Variants in ADAMTS12 observed in about 807,000 individuals in gnomAD.
The protein encoded by ADAMTS12 is ADAM metallopeptidase with thrombospondin type 1 motif 12.
Under a neutral mutation model 167.8 loss-of-function variants are expected in ADAMTS12, and 118 were observed. The ratio of observed to expected loss-of-function variants is 0.70; its 90% CI spans 0.61 to 0.82. The LOEUF is 0.82. Among genes scored for constraint, ADAMTS12 ranks in the 40% least tolerant of loss-of-function variants. The probability of loss-of-function intolerance (pLI) is 0.00; values close to 1 mark genes in which losing one functional copy is unlikely to be tolerated. For synonymous variants in ADAMTS12, 704 were observed against 716.9 expected (o/e 0.98, Z 0.29); for missense variants, 1,916 against 1,998.8 (o/e 0.96, Z 0.79).
At chr5:33,851,573 ATCCTCC>A (rs1749221543) in intron 2 of ADAMTS12, among the ~76,000 whole-genome samples, 3 of 152,294 alleles carry the variant, frequency 2.0e-5, no homozygotes, top group African/African-American at 7.2e-5. Context: ...TACATCTCAA[ATCCTCC>A]TCTGGTCATT....
At chr5:33,744,772 C>T (rs1744720286) in intron 3 of ADAMTS12, among the ~76,000 whole-genome samples, 1 of 152,174 alleles carries the variant, frequency 6.6e-6, no homozygotes, top group Admixed American at 6.5e-5. Flanking sequence ...CCACATAGAG[C>T]TTTGAAGCTA....
At chr5:33,811,847 G>A (rs975492453) in intron 2 of ADAMTS12, among the ~76,000 whole-genome samples, 2 of 152,212 alleles carry the variant, frequency 1.3e-5, no homozygotes, top group Non-Finnish European at 2.9e-5. Flanking sequence ...GACCAGGACG[G>A]TTCTGGTGGA....
At chr5:33,779,499 T>G (rs895132239) in intron 2 of ADAMTS12, among the ~76,000 whole-genome samples, 1 of 152,124 alleles carries the variant, frequency 6.6e-6, no homozygotes, top group East Asian at 1.9e-4. Context: ...AATTGCTGTC[T>G]TGAAGAGATG....
intron 7 of ADAMTS12, among the ~76,000 whole-genome samples, chr5:33,656,767 T>G (rs568324736): frequency 6.6e-6 from 1 of 152,182 alleles, no homozygotes. Context: ...ATTTCAGAAC[T>G]GGGGACTCCT....
At chr5:33,624,209 C>T (rs751833553) in intron 14 of ADAMTS12, 22 bp downstream of exon 14, 75 of 1,613,348 alleles carry the variant, frequency 4.6e-5, no homozygotes, top group Non-Finnish European at 5.9e-5. Context: ...CCTGCCACTT[C>T]GATTATTTAT....
chr5:33,630,656 A>G (rs1212632822), intron 13 of ADAMTS12, 124 bp downstream of exon 13: 2 of 1,053,380 alleles, frequency 1.9e-6, no homozygotes, highest in Non-Finnish European at 2.7e-6. Flanking sequence ...CGTTTCATGA[A>G]CTATATATAA....
intron 5 of ADAMTS12, among the ~76,000 whole-genome samples, chr5:33,679,082 G>T (rs1742018869): frequency 6.6e-6 from 1 of 152,200 alleles, no homozygotes; most frequent in South Asian, 2.1e-4. Flanking sequence ...GCGAGTGGAA[G>T]TAGGCAGGTT....
chr5:33,654,874 T>TTTTGTGTGTG (rs148735809), intron 7 of ADAMTS12, among the ~76,000 whole-genome samples: 10 of 141,568 alleles, frequency 7.1e-5, no homozygotes, highest in African/African-American at 2.7e-4. Flanking sequence ...GTGGGTGATT[T>TTTTGTGTGTG]TGTGTGTGTG....
At chr5:33,876,735 T>C (rs1750240188) in intron 2 of ADAMTS12, among the ~76,000 whole-genome samples, 1 of 152,086 alleles carries the variant, frequency 6.6e-6, no homozygotes, top group South Asian at 2.1e-4. Flanking sequence ...GGTATAGCTA[T>C]AAAAGGATAA....
At chr5:33,769,315 C>T (rs1161888110) in intron 2 of ADAMTS12, among the ~76,000 whole-genome samples, 1 of 152,096 alleles carries the variant, frequency 6.6e-6, no homozygotes, top group African/African-American at 2.4e-5. Flanking sequence ...TGTTTGAAAC[C>T]CCACAGCTAA....
chr5:33,810,916 C>T (rs1747434598), intron 2 of ADAMTS12, among the ~76,000 whole-genome samples: 1 of 152,230 alleles, frequency 6.6e-6, no homozygotes, highest in African/African-American at 2.4e-5. Flanking sequence ...TGGTCACTCC[C>T]TGTGCTCCTT....
At chr5:33,714,448 T>C (rs1743524822) in intron 3 of ADAMTS12, among the ~76,000 whole-genome samples, 1 of 152,020 alleles carries the variant, frequency 6.6e-6, no homozygotes, top group African/African-American at 2.4e-5. Context: ...CCCACTAATA[T>C]CTTTTTATCC....
At chr5:33,819,416 C>T (rs1176863148) in intron 2 of ADAMTS12, among the ~76,000 whole-genome samples, 1 of 151,878 alleles carries the variant, frequency 6.6e-6, no homozygotes, top group African/African-American at 2.4e-5. Context: ...TGATTTGTTC[C>T]ATTGGTCTAT....
chr5:33,854,413 G>A (rs1028435015), intron 2 of ADAMTS12, among the ~76,000 whole-genome samples: 2 of 152,158 alleles, frequency 1.3e-5, no homozygotes, highest in African/African-American at 4.8e-5. Context: ...AACACCAGAA[G>A]GGAGTAACAT....
intron 5 of ADAMTS12, among the ~76,000 whole-genome samples, chr5:33,677,926 G>A (rs954973613): frequency 2.6e-5 from 4 of 152,070 alleles, no homozygotes; most frequent in African/African-American, 9.7e-5. Flanking sequence ...ACCCCATAGT[G>A]GTCTTTAGAT....
intron 5 of ADAMTS12, among the ~76,000 whole-genome samples, chr5:33,680,668 T>C (rs1299433922): frequency 6.6e-6 from 1 of 152,142 alleles, no homozygotes; most frequent in Non-Finnish European, 1.5e-5. Flanking sequence ...AAATATACAA[T>C]GAGCACATGT....
chr5:33,592,466 G>C (rs775259763), intron 17 of ADAMTS12, among the ~76,000 whole-genome samples: 7 of 152,162 alleles, frequency 4.6e-5, no homozygotes, highest in Non-Finnish European at 1.0e-4. Context: ...TGGCCTAGCA[G>C]AGCTTTGCTT....
intron 2 of ADAMTS12, among the ~76,000 whole-genome samples, chr5:33,787,103 C>T (rs1186564632): frequency 1.3e-5 from 2 of 152,016 alleles, no homozygotes; most frequent in Non-Finnish European, 2.9e-5. Context: ...AAGACTATAC[C>T]CCCCAACCTG....
At chr5:33,546,393 GA>G (rs1206459341) in intron 21 of ADAMTS12, among the ~76,000 whole-genome samples, 191 bp from the exon 22 acceptor site, 2 of 151,790 alleles carry the variant, frequency 1.3e-5, no homozygotes, top group African/African-American at 2.4e-5. Context: ...AAAAGGGGGG[GA>G]AACAAGAATT....
Sources: gnomAD v4.1 joint callset for allele counts (sites outside exome capture counted in the v4.1 genomes callset) on GRCh38, gnomAD v4.1.1 for gene constraint, MANE v1.5 for transcripts, NCBI Gene and HGNC (gene_info 2026-07-23, HGNC 2026-07-21) for gene names.